Variants in FSTL5 observed in about 807,000 individuals in gnomAD.
FSTL5 encodes the protein follistatin-related protein 5.
FSTL5 carries 62 observed loss-of-function variants against 89.1 expected under a neutral mutation model. The observed-to-expected ratio is 0.70, with a 90% CI of 0.57 to 0.86. FSTL5 has a LOEUF of 0.86. FSTL5 is among the 40% of genes least tolerant of loss of function. FSTL5 has a pLI of 0.00. For missense variants in FSTL5, 1,057 were observed against 1,001.6 expected, an observed-to-expected ratio of 1.06 and a Z score of -0.75; for synonymous variants, 383 against 346.2, an observed-to-expected ratio of 1.11 and a Z score of -1.18.
intron 6 of FSTL5, among the ~76,000 whole-genome samples, chr4:161,722,775 T>C (rs549295761): frequency 4.7e-4 from 71 of 152,316 alleles, no homozygotes; most frequent in African/African-American, 1.6e-3. Flanking sequence ...TAGGGCATGA[T>C]TGATTACCTT....
chr4:162,096,192 TA>T (rs1396173884), intron 2 of FSTL5, among the ~76,000 whole-genome samples: 1 of 151,908 alleles, frequency 6.6e-6, no homozygotes, highest in Non-Finnish European at 1.5e-5. Context: ...CCTCAATTTT[TA>T]AATATATATT....
intron 1 of FSTL5, among the ~76,000 whole-genome samples, chr4:162,144,162 T>A (rs17042068): frequency 0.042 from 6,373 of 152,094 alleles, 145 homozygotes; most frequent in Admixed American, 0.05. Context: ...GAGACTGGTC[T>A]GCGGGAGATA....
At chr4:161,667,017 T>C (rs1252749991) in intron 6 of FSTL5, among the ~76,000 whole-genome samples, 1 of 152,096 alleles carries the variant, frequency 6.6e-6, no homozygotes, top group African/African-American at 2.4e-5. Context: ...CATTATATTC[T>C]TTTTGTATAC....
At chr4:161,791,094 C>T (rs946694587) in intron 4 of FSTL5, among the ~76,000 whole-genome samples, 2 of 151,982 alleles carry the variant, frequency 1.3e-5, no homozygotes, top group Non-Finnish European at 2.9e-5. Flanking sequence ...ATGATCTTTC[C>T]CAGACTTGGT....
chr4:161,391,474 G>A (rs1230296500), intron 15 of FSTL5, among the ~76,000 whole-genome samples: 2 of 152,110 alleles, frequency 1.3e-5, no homozygotes, highest in Non-Finnish European at 2.9e-5. Flanking sequence ...CTTCCATTAT[G>A]TTATAGCTGA....
intron 3 of FSTL5, among the ~76,000 whole-genome samples, chr4:161,975,215 A>G (rs1483292961): frequency 2.9e-5 from 4 of 136,726 alleles, no homozygotes; most frequent in South Asian, 2.5e-4. Flanking sequence ...GGGATCTAGA[A>G]CTAGAAATAC....
intron 3 of FSTL5, among the ~76,000 whole-genome samples, chr4:162,000,372 C>T (rs1249099028): frequency 6.6e-6 from 1 of 152,068 alleles, no homozygotes; most frequent in Non-Finnish European, 1.5e-5. Flanking sequence ...GGGCGGACTT[C>T]CTGAGGTCAG....
intron 6 of FSTL5, among the ~76,000 whole-genome samples, chr4:161,719,936 A>C (rs1739135056): frequency 6.6e-6 from 1 of 152,150 alleles, no homozygotes; most frequent in Admixed American, 6.5e-5. Context: ...CGTAAGACTC[A>C]AAACTTTAAA....
At chr4:161,618,401 C>G (rs532812605) in intron 7 of FSTL5, among the ~76,000 whole-genome samples, 77 of 133,682 alleles carry the variant, frequency 5.8e-4, no homozygotes, top group African/African-American at 2.1e-3. Flanking sequence ...TGTCTTGTGC[C>G]AGTTTTCAAA....
intron 15 of FSTL5, among the ~76,000 whole-genome samples, chr4:161,444,285 GA>G (rs1732873871): frequency 6.6e-6 from 1 of 151,924 alleles, no homozygotes; most frequent in Non-Finnish European, 1.5e-5. Flanking sequence ...GACATGAGCA[GA>G]CAGCAAAAAT....
At chr4:161,692,341 C>CGTGTGTGTGT (rs70937677) in intron 6 of FSTL5, among the ~76,000 whole-genome samples, 2 of 148,852 alleles carry the variant, frequency 1.3e-5, no homozygotes, top group South Asian at 4.3e-4. Context: ...ATATGGAGAT[C>CGTGTGTGTGT]GTGTGTGTGT....
intron 4 of FSTL5, among the ~76,000 whole-genome samples, chr4:161,805,966 CTT>C (rs1729952618): frequency 6.6e-6 from 1 of 151,940 alleles, no homozygotes; most frequent in African/African-American, 2.4e-5. Context: ...ACAATTCTAT[CTT>C]ATTTTAGTTA....
At chr4:161,429,312 A>G (rs1302865144) in intron 15 of FSTL5, among the ~76,000 whole-genome samples, 4 of 152,170 alleles carry the variant, frequency 2.6e-5, no homozygotes, top group African/African-American at 9.6e-5. Flanking sequence ...GGAAGGATAT[A>G]AGCCTTGTTG....
chr4:161,890,262 G>A (rs1162371907), intron 4 of FSTL5, among the ~76,000 whole-genome samples: 1 of 152,090 alleles, frequency 6.6e-6, no homozygotes, highest in East Asian at 1.9e-4. Flanking sequence ...TGGGTTGATG[G>A]TACATTGAAT....
intron 10 of FSTL5, among the ~76,000 whole-genome samples, chr4:161,524,869 A>G (rs957702511): frequency 6.6e-6 from 1 of 151,918 alleles, no homozygotes; most frequent in Non-Finnish European, 1.5e-5. Context: ...GAGGCAGGAG[A>G]ACCTCTTGAA....
At chr4:161,544,787 C>G (rs1332999860) in intron 8 of FSTL5, among the ~76,000 whole-genome samples, 1 of 151,932 alleles carries the variant, frequency 6.6e-6, no homozygotes, top group East Asian at 1.9e-4. Flanking sequence ...ACTAAGAGAA[C>G]TGACAAAATT....
chr4:161,581,784 G>GT (rs1374261323), intron 8 of FSTL5, among the ~76,000 whole-genome samples: 2 of 152,180 alleles, frequency 1.3e-5, no homozygotes, highest in African/African-American at 4.8e-5. Context: ...ACAATATTAT[G>GT]TATGAGGGCT....
At chr4:162,101,106 A>C (rs1730979797) in intron 2 of FSTL5, among the ~76,000 whole-genome samples, 1 of 152,250 alleles carries the variant, frequency 6.6e-6, no homozygotes, top group African/African-American at 2.4e-5. Context: ...TAGACTAAGC[A>C]TGCTTTTCTT....
intron 6 of FSTL5, among the ~76,000 whole-genome samples, chr4:161,684,207 T>C (rs1737624376): frequency 6.6e-6 from 1 of 152,240 alleles, no homozygotes; most frequent in South Asian, 2.1e-4. Context: ...TTCCATGTTT[T>C]TGCAATTGCG....
Sources: allele counts gnomAD v4.1 joint callset (sites outside exome capture counted in the v4.1 genomes callset), GRCh38; gene constraint gnomAD v4.1.1; transcripts MANE v1.5; gene names NCBI Gene and HGNC (gene_info 2026-07-23, HGNC 2026-07-21).